The following SLC25A37 variants were observed in gnomAD, a reference collection of about 807,000 sequenced individuals.
SLC25A37 encodes mitoferrin-1.
A neutral mutation model predicts 31.0 loss-of-function variants in SLC25A37; 17 were observed. That is an observed-to-expected ratio of 0.55 (90% confidence interval 0.38 to 0.82). The LOEUF (loss-of-function observed/expected upper bound fraction) is 0.82. Among genes scored for constraint, SLC25A37 ranks in the 40% least tolerant of loss-of-function variants. The pLI is 0.00. For synonymous variants in SLC25A37, 222 were observed against 193.0 expected, an observed-to-expected ratio of 1.15 and a Z score of -1.24; for missense variants, 404 against 465.8, an observed-to-expected ratio of 0.87 and a Z score of 1.22.
At chr8:23,532,977 G>C (rs1801691488) in intron 1 of SLC25A37, among the ~76,000 whole-genome samples, 1 of 152,234 alleles carries the variant, frequency 6.6e-6, no homozygotes, top group Non-Finnish European at 1.5e-5. Context: ...AATTGCTCTA[G>C]TTCCTGGGAC....
chr8:23,544,506 G>A (rs1053108665), intron 1 of SLC25A37, among the ~76,000 whole-genome samples: 1 of 152,196 alleles, frequency 6.6e-6, no homozygotes, highest in African/African-American at 2.4e-5. Context: ...ATTCCCCATG[G>A]GAGCCCCTCT....
chr8:23,557,504 C>T (rs1177768442), intron 1 of SLC25A37, among the ~76,000 whole-genome samples: 1 of 152,166 alleles, frequency 6.6e-6, no homozygotes, highest in Non-Finnish European at 1.5e-5. Context: ...GGGCCTCCTG[C>T]TGTGATTTGT....
intron 1 of SLC25A37, among the ~76,000 whole-genome samples, chr8:23,530,265 C>T (rs1269297989): frequency 2.6e-5 from 4 of 152,214 alleles, no homozygotes; most frequent in African/African-American, 9.6e-5. Flanking sequence ...CTCCTATCCT[C>T]TGGCTGCAGC....
At chr8:23,570,209 A>G (rs1228920142) in intron 3 of SLC25A37, among the ~76,000 whole-genome samples, 1 of 152,150 alleles carries the variant, frequency 6.6e-6, no homozygotes, top group Non-Finnish European at 1.5e-5. Flanking sequence ...GAAGGGACAC[A>G]CACCTTTCCC....
chr8:23,565,295 A>G (rs1802622845), intron 1 of SLC25A37, among the ~76,000 whole-genome samples: 1 of 152,198 alleles, frequency 6.6e-6, no homozygotes, highest in Non-Finnish European at 1.5e-5. Flanking sequence ...AGGCTGACCC[A>G]TAAAATTAAC....
intron 1 of SLC25A37, among the ~76,000 whole-genome samples, chr8:23,536,818 C>G (rs928788058): frequency 6.6e-6 from 1 of 152,200 alleles, no homozygotes; most frequent in African/African-American, 2.4e-5. Context: ...GTGTTTCCTT[C>G]TCTCCCTCCC....
chr8:23,542,579 A>G (rs984067408), intron 1 of SLC25A37, among the ~76,000 whole-genome samples: 3 of 151,386 alleles, frequency 2.0e-5, no homozygotes, highest in Non-Finnish European at 2.9e-5. Context: ...GGGTTTCACC[A>G]TGTTGGCCAG....
Position 23,575,214 on chromosome 8 carries a change from A to AT in SLC25A37, c.*3361dup, listed in dbSNP as rs1802951503. ...TTTTATTTAACTTTATTTAAGGATG[A>AT]TTGTGTCTTTGAATGACAAATGTAC... On this transcript the variant is annotated 3_prime_UTR_variant, in exon 4 of 4. Coordinates refer to ENST00000519973, the MANE Select transcript of SLC25A37 (RefSeq NM_016612.4). 1 of 152,166 alleles carries AT rather than the reference A, an allele frequency of 6.6e-6. No individual in the cohort carries two copies. The allele number at this position is 152,166 out of a possible 1,614,324, so 9.4% of individuals were successfully genotyped here.
chr8:23,538,568 A>G lies in SLC25A37; in HGVS notation c.210+9356A>G, dbSNP rs1029767081. On this transcript the variant is annotated intron_variant, in intron 1 of 3. Coordinates refer to ENST00000519973, the MANE Select transcript of SLC25A37 (RefSeq NM_016612.4). ...GTGTTTGTGTGTGTGTGTAGAACCC[A>G]GCAAGCAGCAGCTATACCCCGATGA... is the stretch of plus-strand genomic sequence containing the variant. Among the ~76,000 whole-genome samples the G allele has an allele frequency of 3.3e-5, 5 of 149,668 alleles. No individual in the cohort carries two copies. In the East Asian group the frequency reaches 9.9e-4, roughly 30 times the overall value.
intron 1 of SLC25A37, among the ~76,000 whole-genome samples, chr8:23,558,999 A>C (rs1307268882): frequency 2.0e-5 from 3 of 152,144 alleles, no homozygotes; most frequent in African/African-American, 4.8e-5. Flanking sequence ...TGTTCTTGGC[A>C]CTTGCTGCTT....
chr8:23,537,495 A>G (rs1224676796), intron 1 of SLC25A37, among the ~76,000 whole-genome samples: 1 of 152,208 alleles, frequency 6.6e-6, no homozygotes, highest in Non-Finnish European at 1.5e-5. Flanking sequence ...GAGCTTCTGC[A>G]GTTCATTCTG....
intron 1 of SLC25A37, among the ~76,000 whole-genome samples, chr8:23,562,637 T>G (rs1442231380): frequency 6.6e-6 from 1 of 152,214 alleles, no homozygotes; most frequent in African/African-American, 2.4e-5. Flanking sequence ...GGCCTCTCCA[T>G]GAATCACCGT....
intron 1 of SLC25A37, chr8:23,532,032 G>A (rs907644257): frequency 6.6e-6 from 1 of 152,166 alleles, no homozygotes; most frequent in Non-Finnish European, 1.5e-5. Context: ...TTTTACAGAC[G>A]TGTACAATGT....
intron 1 of SLC25A37, among the ~76,000 whole-genome samples, chr8:23,530,771 A>G (rs1801646812): frequency 6.6e-6 from 1 of 152,192 alleles, no homozygotes; most frequent in African/African-American, 2.4e-5. Flanking sequence ...TGGTGTCTTG[A>G]GATGAATGTT....
intron 1 of SLC25A37, among the ~76,000 whole-genome samples, chr8:23,540,087 T>A (rs1801858190): frequency 6.6e-6 from 1 of 152,274 alleles, no homozygotes; most frequent in Non-Finnish European, 1.5e-5. Flanking sequence ...AATTTTATAT[T>A]ATTTTTGTAT....
Position 23,539,658 on chromosome 8 carries a change from A to G in SLC25A37, c.210+10446A>G, listed in dbSNP as rs569281788. Among the ~76,000 whole-genome samples the G allele has an allele frequency of 4.3e-4, 66 of 152,322 alleles. 4 individuals carry two copies. In the South Asian group the frequency reaches 0.013, roughly 31 times the overall value. On this transcript the variant is annotated intron_variant, in intron 1 of 3. Coordinates refer to ENST00000519973, the MANE Select transcript of SLC25A37 (RefSeq NM_016612.4). Reference sequence around the variant, plus strand: ...TCTCTGGGCTAGTTTTCTCCTTGTGAATCTAGACTAGTGTCATCTACTTTA... The same window carrying G: ...TCTCTGGGCTAGTTTTCTCCTTGTGGATCTAGACTAGTGTCATCTACTTTA...
At chr8:23,534,413 T>TA (rs1352122690) in intron 1 of SLC25A37, among the ~76,000 whole-genome samples, 1 of 152,222 alleles carries the variant, frequency 6.6e-6, no homozygotes, top group East Asian at 1.9e-4. Context: ...TTCATGTCCT[T>TA]ACTTGTCAAA....
chr8:23,548,131 C>T (rs976977116), intron 1 of SLC25A37, among the ~76,000 whole-genome samples: 8 of 152,156 alleles, frequency 5.3e-5, no homozygotes, highest in African/African-American at 1.2e-4. Context: ...CTGTAGATTT[C>T]GCAGTGAGAA....
At position 23,550,397 on chromosome 8, in the gene SLC25A37, T is replaced by C. The variant is rs527937112; in HGVS notation, c.211-15711T>C. 2.6e-5 allele frequency among the ~76,000 whole-genome samples: 4 copies of C among 152,260 alleles called. No individual in the cohort carries two copies. The South Asian group carries it at 8.3e-4, about 32-fold the overall frequency. On this transcript the variant is annotated intron_variant, in intron 1 of 3. Transcript: ENST00000519973. ...AGTCACATGCAGACGCATCACTTGG[T>C]ATAATTATACGTGGAGGAATGAGCA...
Sources: gnomAD v4.1 joint callset for allele counts (sites outside exome capture counted in the v4.1 genomes callset) on GRCh38, gnomAD v4.1.1 for gene constraint, MANE v1.5 for transcripts, NCBI Gene and HGNC (gene_info 2026-07-23, HGNC 2026-07-21) for gene names.